Variants in RAD54L observed in about 807,000 individuals in gnomAD.
The protein encoded by RAD54L is RAD54 like, also known as DNA repair and recombination protein RAD54-like.
A neutral mutation model predicts 91.6 loss-of-function variants in RAD54L; 74 were observed. The ratio of observed to expected loss-of-function variants is 0.81; its 90% CI spans 0.67 to 0.98. RAD54L has a LOEUF of 0.98. Among genes scored for constraint, RAD54L ranks in the 50% least tolerant of loss-of-function variants. The pLI is 0.00. For missense variants in RAD54L, 887 were observed against 945.7 expected, an observed-to-expected ratio of 0.94 and a Z score of 0.81; for synonymous variants, 304 against 349.7, an observed-to-expected ratio of 0.87 and a Z score of 1.46.
chr1:46,268,312 T>G (rs1660323297), intron 9 of RAD54L, among the ~76,000 whole-genome samples: 1 of 152,144 alleles, frequency 6.6e-6, no homozygotes, highest in East Asian at 1.9e-4. Context: ...AGCAAGGCCC[T>G]GTCTCTAAAA....
intron 8 of RAD54L, among the ~76,000 whole-genome samples, chr1:46,267,206 G>C (rs1278260914): frequency 6.6e-6 from 1 of 152,152 alleles, no homozygotes; most frequent in Non-Finnish European, 1.5e-5. Context: ...TGGGGCTATG[G>C]GTGTAAGCTA....
intron 16 of RAD54L, chr1:46,277,395 A>T (rs2148307012): frequency 3.8e-6 from 1 of 261,646 alleles, no homozygotes; most frequent in East Asian, 9.7e-5. Context: ...ATGTTTGTCT[A>T]GGAGCTAAAG....
intron 9 of RAD54L, among the ~76,000 whole-genome samples, chr1:46,269,950 C>G (rs1314724796): frequency 1.3e-5 from 2 of 151,688 alleles, no homozygotes; most frequent in Non-Finnish European, 2.9e-5. Flanking sequence ...AAAAAAAATA[C>G]AAAAGTTAGC....
intron 13 of RAD54L, 60 bp from the exon 14 acceptor site, chr1:46,273,564 G>T: frequency 6.2e-7 from 1 of 1,612,354 alleles, no homozygotes; most frequent in Non-Finnish European, 8.5e-7. Context: ...GATATCAAGA[G>T]TAAGAAGCCT....
At chr1:46,272,379 T>C (rs1660456687) in intron 10 of RAD54L, 87 bp from the exon 11 acceptor site, 2 of 1,178,660 alleles carry the variant, frequency 1.7e-6, no homozygotes, top group Admixed American at 3.4e-5. Flanking sequence ...AGAGGGCTAG[T>C]CTTGGTCCTT....
intron 8 of RAD54L, 94 bp downstream of exon 8, chr1:46,261,479 G>A: frequency 6.8e-7 from 1 of 1,476,724 alleles, no homozygotes; most frequent in Non-Finnish European, 9.4e-7. Flanking sequence ...AGTCACTGGG[G>A]AATGCTGAAG....
rs1660689848 is a variant in RAD54L, at chr1:46,278,425, T to TAAG, written c.*146_*148dup. ...TGATGTTTGCCCAAAATTTATTTTA[T>TAAG]AAGAAAAACTTTTTTGGTTAAAAAA... On this transcript the variant is annotated 3_prime_UTR_variant, in exon 18 of 18. Transcript: ENST00000371975. 4.0e-6 allele frequency: 4 copies of TAAG among 998,288 alleles called. No homozygotes were observed. The highest frequency in any genetic ancestry group is 6.0e-6 in the Non-Finnish European group (4 of 666,746). The allele number at this position is 998,288 out of a possible 1,614,324, so 61.8% of individuals were successfully genotyped here. A position where few individuals can be genotyped will look rare whatever the true frequency, so the allele number is the denominator to read the frequency against.
chr1:46,258,716 C>A lies in RAD54L; in HGVS notation c.241C>A (p.Pro81Thr), dbSNP rs768658888. Residue 81 changes from proline (P) to threonine (T), a missense_variant, in exon 4 of 18, where the codon CCT becomes ACT. Transcript: ENST00000371975. ...ATTTATTCGAAGCATTTTGTCAAAG[C>A]CTTTCAAAGTCCCCATTCCAAATTA... ...EAFIRSILSKPFKVPIPNYQG... is the reference protein window; with the variant it reads ...EAFIRSILSKTFKVPIPNYQG... 2.5e-5 allele frequency: 40 copies of A among 1,608,498 alleles called. No homozygotes were observed. The highest frequency in any genetic ancestry group is 3.4e-5 in the Non-Finnish European group (40 of 1,174,928).
intron 16 of RAD54L, among the ~76,000 whole-genome samples, chr1:46,275,192 AT>A (rs1660557891): frequency 6.6e-6 from 1 of 152,012 alleles, no homozygotes; most frequent in African/African-American, 2.4e-5. Flanking sequence ...CTCAGCCTTC[AT>A]TTCTTTCCCA....
In RAD54L at chr1:46,248,432, T is replaced by G. The variant is rs375375874; in HGVS notation, c.3+24T>G. The stretch of plus-strand genomic sequence containing the variant: ...TGGTAAGTGTGGGCCTAGGGGAGAC[T>G]GGGAATAGCCCTGGGTCAGGGTCTA... On this transcript the variant is annotated intron_variant, in intron 1 of 17. Coordinates refer to ENST00000371975, the MANE Select transcript of RAD54L (RefSeq NM_003579.4). 119 of 1,614,060 alleles carry G rather than the reference T, an allele frequency of 7.4e-5. 1 individual carries two copies. In the African/African-American group the frequency reaches 1.2e-3, roughly 16 times the overall value.
chr1:46,254,124 G>A (rs189271708), intron 3 of RAD54L, among the ~76,000 whole-genome samples: 2 of 151,918 alleles, frequency 1.3e-5, no homozygotes, highest in East Asian at 1.9e-4. Flanking sequence ...ACAGGCACCC[G>A]CCACCATACC....
At chr1:46,275,082 T>A (rs1175785089) in intron 16 of RAD54L, among the ~76,000 whole-genome samples, 1 of 152,250 alleles carries the variant, frequency 6.6e-6, no homozygotes, top group Non-Finnish European at 1.5e-5. Flanking sequence ...GTTCCTTTCT[T>A]GCAGCTTATG....
Position 46,273,645 on chromosome 1 carries a change from A to G in RAD54L, c.1508A>G (p.Tyr503Cys). 1 of 1,613,880 alleles carries G rather than the reference A, an allele frequency of 6.2e-7. No individual in the cohort carries two copies. The highest frequency in any genetic ancestry group is 1.7e-4 in the Middle Eastern group (1 of 5,870). Residue 503 changes from tyrosine to cysteine, a missense_variant, in exon 14 of 18, where the codon TAT becomes TGT. Coordinates refer to ENST00000371975, the MANE Select transcript of RAD54L (RefSeq NM_003579.4). The part of the protein sequence containing the change: ...QLSGKMLVLD[Y>C]ILAVTRSRSS... ...CCAGGTAAGATGCTGGTCCTGGATT[A>G]TATTCTGGCGGTGACCCGAAGCCGT...
At chr1:46,271,889 TCA>T (rs1660438063) in intron 10 of RAD54L, among the ~76,000 whole-genome samples, 1 of 152,082 alleles carries the variant, frequency 6.6e-6, no homozygotes. Context: ...ATGGGAAGCC[TCA>T]GTCTTCTCTT....
chr1:46,267,381 C>T lies in RAD54L; in HGVS notation c.892-78C>T. The T allele has an allele frequency of 8.7e-6, 14 of 1,600,912 alleles. No homozygotes were observed. The South Asian group carries it at 1.3e-4, about 15-fold the overall frequency. ...GCCCGGCCTGGAATGTTTTTGACTC[C>T]TCTTTTCCTGTCTACATGAGACTTT... On this transcript the variant is annotated intron_variant, in intron 8 of 17. Coordinates refer to ENST00000371975, the MANE Select transcript of RAD54L (RefSeq NM_003579.4).
intron 9 of RAD54L, among the ~76,000 whole-genome samples, chr1:46,269,743 T>C (rs1000666993): frequency 1.3e-5 from 2 of 152,246 alleles, no homozygotes; most frequent in African/African-American, 4.8e-5. Flanking sequence ...CTTTCATTTT[T>C]ATAATACGGA....
At chr1:46,250,697 G>A (rs1295976008) in intron 3 of RAD54L, among the ~76,000 whole-genome samples, 1 of 152,146 alleles carries the variant, frequency 6.6e-6, no homozygotes, top group Non-Finnish European at 1.5e-5. Flanking sequence ...TTTTGTGGCC[G>A]GGTCGGGTGG....
chr1:46,273,481 C>G lies in RAD54L; in HGVS notation c.1486+16C>G, dbSNP rs749282031. ...CAGCTGTCAGGTGACCCTTTTCCTA[C>G]CAGTATTTGGGCTTCTCTAGGAGGA... On this transcript the variant is annotated intron_variant, in intron 13 of 17. Coordinates refer to ENST00000371975, the MANE Select transcript of RAD54L (RefSeq NM_003579.4). The G allele has an allele frequency of 1.2e-6, 2 of 1,611,454 alleles. No homozygotes were observed. Among genetic ancestry groups the G allele is most frequent in the Non-Finnish European group, 1.7e-6 (2 of 1,177,934 alleles).
chr1:46,259,354 A>C (rs1660032209), intron 4 of RAD54L, among the ~76,000 whole-genome samples: 2 of 152,160 alleles, frequency 1.3e-5, no homozygotes, highest in South Asian at 4.1e-4. Context: ...AGCTCCATGA[A>C]AGTGCCCTTT....
Sources: gnomAD v4.1 joint callset for allele counts (sites outside exome capture counted in the v4.1 genomes callset) on GRCh38, gnomAD v4.1.1 for gene constraint, MANE v1.5 for transcripts, NCBI Gene and HGNC (gene_info 2026-07-23, HGNC 2026-07-21) for gene names.